Variants in LINGO1 observed in about 807,000 individuals in gnomAD.
LINGO1 encodes the protein leucine rich repeat and Ig domain containing 1, also known as leucine-rich repeat and immunoglobulin-like domain-containing nogo receptor-interacting protein 1.
In LINGO1, 11 loss-of-function variants were observed where a neutral mutation model predicts 37.3. The observed-to-expected ratio is 0.29, with a 90% CI of 0.19 to 0.49. The LOEUF (loss-of-function observed/expected upper bound fraction) is 0.49, where lower values mean the gene tolerates loss of function less well. LINGO1 is among the 20% of genes least tolerant of loss of function. The pLI is 0.99. For synonymous variants in LINGO1, 387 were observed against 403.0 expected (o/e 0.96, Z 0.48); for missense variants, 585 against 878.2 (o/e 0.67, Z 4.22).
intron 1 of LINGO1, among the ~76,000 whole-genome samples, chr15:77,782,438 G>A (rs925179262): frequency 3.3e-5 from 5 of 152,192 alleles, no homozygotes; most frequent in African/African-American, 1.2e-4. Context: ...AAAATGGGCT[G>A]GCAATGAGAT....
At chr15:77,671,764 A>G (rs11631120) in intron 3 of LINGO1, among the ~76,000 whole-genome samples, 18,460 of 152,168 alleles carry the variant, frequency 0.12, 1,396 homozygotes, top group Non-Finnish European at 0.17. Flanking sequence ...GACCCTTCTG[A>G]CTGTGGTTAC....
intron 1 of LINGO1, among the ~76,000 whole-genome samples, chr15:77,747,480 A>T (rs1466148050): frequency 1.3e-5 from 2 of 152,200 alleles, no homozygotes; most frequent in Non-Finnish European, 2.9e-5. Flanking sequence ...CTTTTTCTGT[A>T]ACCTCTCACT....
chr15:77,800,147 A>G (rs2076905837), intron 1 of LINGO1, among the ~76,000 whole-genome samples: 1 of 152,154 alleles, frequency 6.6e-6, no homozygotes, highest in Non-Finnish European at 1.5e-5. Flanking sequence ...TCTGGCAGGA[A>G]AAGAGTCTCT....
chr15:77,662,288 C>T (rs780948377), intron 3 of LINGO1, among the ~76,000 whole-genome samples: 7 of 152,172 alleles, frequency 4.6e-5, no homozygotes, highest in Non-Finnish European at 8.8e-5. Context: ...AGCTCCTGCC[C>T]AAGGGGCCTC....
chr15:77,669,788 A>T (rs1218640169), intron 3 of LINGO1, among the ~76,000 whole-genome samples: 2 of 152,262 alleles, frequency 1.3e-5, no homozygotes, highest in African/African-American at 4.8e-5. Flanking sequence ...CAGAACTCAC[A>T]AACTGGAGAG....
chr15:77,751,190 A>AGAATGGG (rs144654026), intron 1 of LINGO1, among the ~76,000 whole-genome samples: 4,187 of 152,236 alleles, frequency 0.028, 186 homozygotes, highest in African/African-American at 0.095. Context: ...TATGCCCTCA[A>AGAATGGG]GAGGCCCCTC....
At chr15:77,655,815 C>G (rs1244070953) in intron 3 of LINGO1, among the ~76,000 whole-genome samples, 1 of 152,190 alleles carries the variant, frequency 6.6e-6, no homozygotes, top group African/African-American at 2.4e-5. Context: ...GGGTGGACAC[C>G]GGCCTCTCCT....
intron 3 of LINGO1, among the ~76,000 whole-genome samples, chr15:77,661,721 C>T (rs2074997863): frequency 6.6e-6 from 1 of 152,264 alleles, no homozygotes; most frequent in African/African-American, 2.4e-5. Flanking sequence ...TCGCCCCACC[C>T]TCTGCTTCTT....
At chr15:77,637,349 G>A (rs557889788), upstream of LINGO1, among the ~76,000 whole-genome samples, 1 of 152,338 alleles carries the variant, frequency 6.6e-6, no homozygotes, top group East Asian at 1.9e-4. This position sits in a 1 kb window ranked among gnomAD's most constrained non-coding sequence, Gnocchi z 4.6. Context: ...CCTCTTCCCT[G>A]GCATTTACTT....
chr15:77,709,965 C>A lies in LINGO1; in HGVS notation c.-194-19064G>T, dbSNP rs560420555. On this transcript the variant is annotated intron_variant, in intron 2 of 3. Coordinates refer to the LINGO1 transcript ENST00000561686. ...TGGCTTCTGACTGGGCATCCCAGAC[C>A]CTCCTCAGGAGGATGGAAAGAGATG... 9.8e-5 allele frequency among the ~76,000 whole-genome samples: 15 copies of A among 152,304 alleles called. No individual in the cohort carries two copies. The South Asian group carries it at 2.9e-3, about 29-fold the overall frequency.
In LINGO1 at chr15:77,618,029, GAC is replaced by G. The variant is rs771395342; in HGVS notation, c.7-2131_7-2130del. Among the ~76,000 whole-genome samples, 8 of 152,324 alleles carry G rather than the reference GAC, an allele frequency of 5.3e-5. No individual in the cohort carries two copies. In the South Asian group the frequency reaches 6.2e-4, roughly 12 times the overall value. On this transcript the variant is annotated intron_variant, in intron 1 of 1. Transcript: ENST00000355300. ...TTTCCACAGTCACACACGCTCCAGT[GAC>G]CCACCAGAAAAGCAAACATCCTGAC...
chr15:77,786,399 C>T (rs897845470), intron 1 of LINGO1, among the ~76,000 whole-genome samples: 1 of 152,196 alleles, frequency 6.6e-6, no homozygotes, highest in East Asian at 1.9e-4. Flanking sequence ...TCCCGCCCAC[C>T]ACCCCTGGGA....
intron 2 of LINGO1, among the ~76,000 whole-genome samples, chr15:77,713,568 G>A (rs866643051): frequency 2.9e-4 from 44 of 151,840 alleles, no homozygotes; most frequent in African/African-American, 1.0e-3. Flanking sequence ...GCAGATCTAC[G>A]TCTCCATTGT....
At chr15:77,658,902 G>A (rs889031221) in intron 3 of LINGO1, among the ~76,000 whole-genome samples, 3 of 152,226 alleles carry the variant, frequency 2.0e-5, no homozygotes, top group Admixed American at 6.5e-5. Context: ...AAGGGCCCGT[G>A]GGCCCTGGAA....
intron 1 of LINGO1, among the ~76,000 whole-genome samples, chr15:77,761,229 C>T (rs77777125): frequency 0.016 from 2,509 of 152,112 alleles, 25 homozygotes; most frequent in Middle Eastern, 0.024. Context: ...TGCACCTGGC[C>T]CAAGTATCCA....
chr15:77,638,987 T>C (rs1482705736), upstream of LINGO1, among the ~76,000 whole-genome samples: 9 of 152,156 alleles, frequency 5.9e-5, no homozygotes, highest in African/African-American at 2.2e-4. Context: ...CTTTTCTCGA[T>C]CACTTGCTTT....
intron 1 of LINGO1, among the ~76,000 whole-genome samples, chr15:77,773,232 T>C (rs1363874484): frequency 2.0e-5 from 3 of 152,190 alleles, no homozygotes; most frequent in Non-Finnish European, 4.4e-5. Context: ...TGAAGATCCA[T>C]GGGACTCCTG....
At chr15:77,792,115 G>A (rs953689990) in intron 2 of LINGO1, among the ~76,000 whole-genome samples, 1 of 152,042 alleles carries the variant, frequency 6.6e-6, no homozygotes, top group African/African-American at 2.4e-5. Context: ...TCATGATGCC[G>A]GCACCTCAAA....
intron 1 of LINGO1, among the ~76,000 whole-genome samples, chr15:77,801,021 T>C (rs115468121): frequency 0.012 from 1,860 of 152,268 alleles, 34 homozygotes; most frequent in African/African-American, 0.042. Flanking sequence ...TAACAAGCAG[T>C]GCTGGCAAGG....
Sources: allele counts gnomAD v4.1 joint callset (sites outside exome capture counted in the v4.1 genomes callset), GRCh38; gene constraint gnomAD v4.1.1; non-coding constraint Gnocchi (gnomAD v3.1); transcripts MANE v1.5; gene names NCBI Gene and HGNC (gene_info 2026-07-23, HGNC 2026-07-21).